PAGE1: variants seen among roughly 807,000 people sequenced by gnomAD.
PAGE1 encodes P antigen family member 1.
Under a neutral mutation model 11.5 loss-of-function variants are expected in PAGE1, and 6 were observed. The ratio of observed to expected loss-of-function variants is 0.52; its 90% CI spans 0.29 to 1.03. PAGE1 has a LOEUF of 1.03. PAGE1 is among the 50% of genes least tolerant of loss of function. The pLI is 0.09. For synonymous variants in PAGE1, 42 were observed against 40.2 expected (o/e 1.05, Z -0.17); for missense variants, 120 against 110.2 (o/e 1.09, Z -0.40).
chrX:49,691,477 A>G, intron 3 of PAGE1, 103 bp from the exon 4 acceptor site: 1 of 637,376 alleles, frequency 1.6e-6, no homozygotes, highest in Non-Finnish European at 2.3e-6. Context: ...AGCTTTAGGT[A>G]CTGTAATAAT....
chrX:49,694,877 A>G, intron 1 of PAGE1, 99 bp from the exon 2 acceptor site: 1 of 469,559 alleles, frequency 2.1e-6, no homozygotes, highest in Non-Finnish European at 3.6e-6. Flanking sequence ...TTAATTTTGA[A>G]AATACTCTCA....
At chrX:49,689,667 CAT>C (rs1569533427) in intron 4 of PAGE1, 124 bp from the exon 5 acceptor site, 2 of 59,008 alleles carry the variant, frequency 3.4e-5, no homozygotes, top group Non-Finnish European at 4.9e-5. Flanking sequence ...TATATATATA[CAT>C]ATACATATAT....
At chrX:49,694,432 C>T (rs1348805375) in intron 2 of PAGE1, among the ~76,000 whole-genome samples, 1 of 110,843 alleles carries the variant, frequency 9.0e-6, no homozygotes, top group African/African-American at 3.3e-5. Context: ...CTATTGCACT[C>T]TATGTTGGAA....
intron 4 of PAGE1, among the ~76,000 whole-genome samples, chrX:49,689,805 TGTGTATATAC>T (rs1248820987): frequency 1.6e-5 from 1 of 63,048 alleles, no homozygotes; most frequent in Non-Finnish European, 2.7e-5. Context: ...TGTATATATA[TGTGTATATAC>T]ACACATATAT....
rs899306872 is a variant in PAGE1 at position 49,694,364 on chromosome X, G to A, written c.64-163C>T. 9.0e-5 allele frequency among the ~76,000 whole-genome samples: 10 copies of A among 111,292 alleles called. No individual in the cohort carries two copies. In the Admixed American group the frequency reaches 9.6e-4, roughly 11 times the overall value. Reference sequence around the variant, plus strand: ...AACTTTATTCTATATGGTTAATAAGGCTACTCTACCCACAGAAAGGTTACT... The same window carrying A: ...AACTTTATTCTATATGGTTAATAAGACTACTCTACCCACAGAAAGGTTACT... On this transcript the variant is annotated intron_variant, in intron 2 of 5. Coordinates refer to ENST00000376150, the MANE Select transcript of PAGE1 (RefSeq NM_003785.4).
At chrX:49,692,782 T>A (rs781804650) in intron 3 of PAGE1, among the ~76,000 whole-genome samples, 111 of 106,405 alleles carry the variant, frequency 1.0e-3, no homozygotes, top group Middle Eastern at 4.8e-3. Flanking sequence ...ACGAAACATT[T>A]ATTATTTATT....
chrX:49,694,920 C>T (rs999304216), intron 1 of PAGE1, 142 bp from the exon 2 acceptor site: 79 of 403,925 alleles, frequency 2.0e-4, no homozygotes, highest in African/African-American at 1.6e-3. Context: ...CAAGTGTGTA[C>T]GTTTTCTGAG....
At chrX:49,693,047 G>A (rs1443062597) in intron 3 of PAGE1, among the ~76,000 whole-genome samples, 10 of 111,750 alleles carry the variant, frequency 8.9e-5, no homozygotes, top group Non-Finnish European at 1.5e-4. Context: ...ATCATGGATA[G>A]GATTTCAGTT....
intron 3 of PAGE1, among the ~76,000 whole-genome samples, chrX:49,692,217 T>G (rs1557142287): frequency 8.9e-6 from 1 of 111,871 alleles, no homozygotes; most frequent in Non-Finnish European, 1.9e-5. Context: ...ACTCTGTGTA[T>G]TAAATGACTG....
At chrX:49,694,577 T>G in intron 2 of PAGE1, 131 bp downstream of exon 2, 3 of 417,233 alleles carry the variant, frequency 7.2e-6, no homozygotes, top group Non-Finnish European at 1.2e-5. Flanking sequence ...GAATCTTATT[T>G]TTTTAATCAG....
chrX:49,694,099 C>G lies in PAGE1; in HGVS notation c.166G>C (p.Gly56Arg). 8.6e-7 allele frequency: 1 copy of G among 1,159,927 alleles called. No homozygotes were observed. Among genetic ancestry groups the G allele is most frequent in the Non-Finnish European group, 1.2e-6 (1 of 855,423 alleles). Reference protein sequence around the residue: ...REDEGASAAQGQEPEADSQEL... With the variant: ...REDEGASAAQRQEPEADSQEL... ...GCATTCTTCTTCCCTTTCCCTTCAC[C>G]TTGAGCTGCAGATGCTCCCTCATCC... is the stretch of plus-strand genomic sequence containing the variant. The change falls in exon 3 of 6, where the codon GGG (glycine) becomes CGG (arginine). Residue 56 changes from glycine to arginine, a missense_variant and splice_region_variant. By Grantham distance (125) the Gly-to-Arg change is moderately radical (BLOSUM62 -2). Coordinates refer to ENST00000376150, the MANE Select transcript of PAGE1 (RefSeq NM_003785.4).
At chrX:49,689,202 G>A (rs970105267) in intron 5 of PAGE1, among the ~76,000 whole-genome samples, 5 of 108,872 alleles carry the variant, frequency 4.6e-5, no homozygotes, top group African/African-American at 1.0e-4. Flanking sequence ...TTAGCTGGGC[G>A]TGGTGGAGCA....
chrX:49,689,731 T>TAC (rs1208260889), intron 4 of PAGE1, among the ~76,000 whole-genome samples, 188 bp from the exon 5 acceptor site: 11 of 62,633 alleles, frequency 1.8e-4, no homozygotes, highest in Non-Finnish European at 2.7e-4. Context: ...TATGTATATA[T>TAC]ACACACATAT....
chrX:49,692,709 G>A (rs2066925095), intron 3 of PAGE1, among the ~76,000 whole-genome samples: 1 of 110,583 alleles, frequency 9.0e-6, no homozygotes, highest in South Asian at 3.8e-4. Flanking sequence ...GTTCAGTAAG[G>A]AGTTATGGTT....
chrX:49,694,628 A>G, intron 2 of PAGE1, 80 bp downstream of exon 2: 1 of 622,780 alleles, frequency 1.6e-6, no homozygotes, highest in Non-Finnish European at 2.5e-6. Context: ...TAATGCAACA[A>G]CACTATCACA....
At position 49,687,555 on chromosome X, in the gene PAGE1, G is replaced by C. The variant is rs1390713391; in HGVS notation, c.427C>G (p.Gln143Glu). 2 of 1,204,161 alleles carry C rather than the reference G, an allele frequency of 1.7e-6. No homozygotes were observed. The highest frequency in any genetic ancestry group is 2.2e-6 in the Non-Finnish European group (2 of 890,867). ...CGTGTCTTCTTTTAAGGCTGTGATT[G>C]CCCTTCATCTGTAACAGAAACATAA... The part of the protein sequence containing the change: ...EVKTPEEDEG[Q>E]SQP Residue 143 changes from glutamine (Q) to glutamate (E), a missense_variant, in exon 6 of 6, where the codon CAA becomes GAA. Physicochemically the swap from Gln to Glu is conservative, Grantham distance 29. Transcript: ENST00000376150.
chrX:49,690,414 A>T, intron 4 of PAGE1, among the ~76,000 whole-genome samples: 1 of 109,377 alleles, frequency 9.1e-6, no homozygotes. Context: ...GATTGTCCTT[A>T]TCATATTAAA....
At chrX:49,692,532 T>G (rs1454996795) in intron 3 of PAGE1, among the ~76,000 whole-genome samples, 1 of 111,655 alleles carries the variant, frequency 9.0e-6, no homozygotes, top group Non-Finnish European at 1.9e-5. Flanking sequence ...TGTACTATTC[T>G]TGCAAATTTT....
Position 49,687,486 on chromosome X carries a change from T to C in PAGE1, c.*55A>G. 1 of 1,137,818 alleles carries C rather than the reference T, an allele frequency of 8.8e-7. No individual in the cohort carries two copies. Among genetic ancestry groups the C allele is most frequent in the African/African-American group, 1.8e-5 (1 of 56,513 alleles). The allele number at this position is 1,137,818 out of a possible 1,213,427, so 93.8% of individuals were successfully genotyped here. A position where few individuals can be genotyped will look rare whatever the true frequency, so the allele number is the denominator to read the frequency against. On this transcript the variant is annotated 3_prime_UTR_variant, in exon 6 of 6. Transcript: ENST00000376150. ...CTGTAAAGCTTTATTGGGAGAATTT[T>C]AATGGTCAAATTTCCAACACAGGAG...
Sources: gnomAD v4.1 joint callset for allele counts (sites outside exome capture counted in the v4.1 genomes callset) on GRCh38, gnomAD v4.1.1 for gene constraint, MANE v1.5 for transcripts, NCBI Gene and HGNC (gene_info 2026-07-23, HGNC 2026-07-21) for gene names.